ARHGAP20: variants seen among roughly 807,000 people sequenced by gnomAD.
ARHGAP20 encodes the protein rho GTPase-activating protein 20.
In ARHGAP20, 34 loss-of-function variants were observed where a neutral mutation model predicts 73.7. The ratio of observed to expected loss-of-function variants is 0.46; its 90% CI spans 0.35 to 0.61. ARHGAP20 has a LOEUF of 0.61. Among genes scored for constraint, ARHGAP20 ranks in the 20% least tolerant of loss-of-function variants. The pLI is 0.00. For missense variants in ARHGAP20, 1,314 were observed against 1,420.9 expected (o/e 0.92, Z 1.21); for synonymous variants, 523 against 518.2 (o/e 1.01, Z -0.13).
At chr11:110,615,778 G>A (rs564081475) in intron 4 of ARHGAP20, among the ~76,000 whole-genome samples, 184 bp from the exon 5 acceptor site, 10 of 152,278 alleles carry the variant, frequency 6.6e-5, no homozygotes, top group Middle Eastern at 3.4e-3. Flanking sequence ...TATCCCTTTG[G>A]AAAAACTACA....
chr11:110,663,369 T>C (rs968792809), intron 2 of ARHGAP20, among the ~76,000 whole-genome samples: 3 of 149,880 alleles, frequency 2.0e-5, no homozygotes, highest in African/African-American at 7.3e-5. Context: ...ATATACTATA[T>C]AAGACATTAA....
chr11:110,662,378 T>C (rs1427880127), intron 2 of ARHGAP20, among the ~76,000 whole-genome samples: 1 of 151,874 alleles, frequency 6.6e-6, no homozygotes, highest in African/African-American at 2.4e-5. Context: ...AAAATTTGTG[T>C]CCAGTTGGTA....
At chr11:110,680,120 A>G (rs1950010106) in intron 2 of ARHGAP20, among the ~76,000 whole-genome samples, 1 of 152,194 alleles carries the variant, frequency 6.6e-6, no homozygotes, top group Non-Finnish European at 1.5e-5. Flanking sequence ...GAAACATTAT[A>G]TAACAGTTAC....
rs142490183 is a variant in ARHGAP20 at position 110,687,035 on chromosome 11, CATATATATAT to C, written c.188+3502_188+3511del. 1.7e-3 allele frequency among the ~76,000 whole-genome samples: 207 copies of C among 122,014 alleles called. 6 individuals carry two copies. The highest frequency in any genetic ancestry group is 6.8e-3 in the African/African-American group (202 of 29,786). 80.0% of individuals were successfully genotyped at this position (122,014 alleles called of 152,430 possible). On this transcript the variant is annotated intron_variant, in intron 2 of 14. Transcript: ENST00000683387. ...GCAGGAAATTAACTGAAGATTAAAA[CATATATATAT>C]ATATATATATAGACACACACACACA...
intron 1 of ARHGAP20, chr11:110,711,552 G>A (rs912689653): frequency 5.1e-6 from 7 of 1,371,940 alleles, no homozygotes; most frequent in African/African-American, 3.1e-5. Context: ...TGGTGTGGGG[G>A]GCAGTACTCC....
intron 9 of ARHGAP20, 73 bp downstream of exon 9, chr11:110,606,488 C>G: frequency 3.5e-6 from 5 of 1,438,530 alleles, no homozygotes; most frequent in Non-Finnish European, 3.8e-6. Context: ...CCTCATCTGG[C>G]GGGAGGTTTG....
At chr11:110,693,812 C>T (rs752881624) in intron 1 of ARHGAP20, among the ~76,000 whole-genome samples, 17 of 151,788 alleles carry the variant, frequency 1.1e-4, no homozygotes, top group East Asian at 1.9e-4. Flanking sequence ...GACAGGCTTA[C>T]GTTATGCTTA....
chr11:110,684,502 T>C (rs1370006193), intron 2 of ARHGAP20, among the ~76,000 whole-genome samples: 3 of 152,050 alleles, frequency 2.0e-5, no homozygotes, highest in Non-Finnish European at 2.9e-5. Flanking sequence ...CTATGAAAAA[T>C]AGTATGGCAA....
rs1250962544 is a variant in ARHGAP20, at chr11:110,579,285, A to G, written c.*85T>C. On this transcript the variant is annotated 3_prime_UTR_variant, in exon 15 of 15. Transcript: ENST00000683387. ...AATCCTTATGCTACCTCTCCCAGGTATCTTATACAAAGGGGTCATAATAAT... is the reference window on the plus strand; with the variant it reads ...AATCCTTATGCTACCTCTCCCAGGTGTCTTATACAAAGGGGTCATAATAAT... 3 of 1,471,990 alleles carry G rather than the reference A, an allele frequency of 2.0e-6. No homozygotes were observed. The highest frequency in any genetic ancestry group is 3.1e-5 in the South Asian group (2 of 64,274). 91.2% of individuals were successfully genotyped at this position (1,471,990 alleles called of 1,614,324 possible).
chr11:110,661,471 T>C (rs543684666), intron 2 of ARHGAP20, among the ~76,000 whole-genome samples: 4 of 152,192 alleles, frequency 2.6e-5, no homozygotes, highest in Non-Finnish European at 5.9e-5. Context: ...AAATGCCCAG[T>C]TTAAGAAAAA....
chr11:110,648,230 T>TGTAAATATATATATGTAA, intron 2 of ARHGAP20, among the ~76,000 whole-genome samples: 1 of 85,402 alleles, frequency 1.2e-5, no homozygotes, highest in Non-Finnish European at 2.4e-5. Flanking sequence ...TGTATATATA[T>TGTAAATATATATATGTAA]ATATATGTAA....
intron 2 of ARHGAP20, among the ~76,000 whole-genome samples, chr11:110,664,408 T>C (rs1277197590): frequency 1.3e-5 from 2 of 152,142 alleles, no homozygotes; most frequent in Non-Finnish European, 2.9e-5. Flanking sequence ...ATTGTATTTC[T>C]ACATATAGAC....
At chr11:110,648,302 ACATATGTGTATATGTCTATATG>A (rs1191421461) in intron 2 of ARHGAP20, among the ~76,000 whole-genome samples, 8 of 141,024 alleles carry the variant, frequency 5.7e-5, no homozygotes, top group African/African-American at 2.1e-4. Context: ...GTCCTCAAAG[ACATATGTGTATATGTCTATATG>A]CATATGTGTA....
rs548308153 is a variant in ARHGAP20, at chr11:110,621,115, C to T, written c.503+3047G>A. On this transcript the variant is annotated intron_variant, in intron 4 of 14. Coordinates refer to ENST00000683387, the MANE Select transcript of ARHGAP20 (RefSeq NM_001384657.1). Reference sequence around the variant, plus strand: ...AAAAAAAAGCTCCACTGTCTTCTAACCTCCATAGTTTCTAATGAAAGGGCC... The same window carrying T: ...AAAAAAAAGCTCCACTGTCTTCTAATCTCCATAGTTTCTAATGAAAGGGCC... 1.4e-4 allele frequency among the ~76,000 whole-genome samples: 20 copies of T among 141,084 alleles called. No individual in the cohort carries two copies. The South Asian group carries it at 3.5e-3, about 25-fold the overall frequency. 92.6% of individuals were successfully genotyped at this position (141,084 alleles called of 152,430 possible).
chr11:110,586,664 C>G (rs966944447), intron 11 of ARHGAP20, among the ~76,000 whole-genome samples: 1 of 152,086 alleles, frequency 6.6e-6, no homozygotes, highest in Non-Finnish European at 1.5e-5. Context: ...TTCCCCTGTC[C>G]CTTAGACAGC....
At chr11:110,709,412 T>C (rs372104353) in intron 1 of ARHGAP20, among the ~76,000 whole-genome samples, 10 of 152,330 alleles carry the variant, frequency 6.6e-5, no homozygotes, top group African/African-American at 1.2e-4. Flanking sequence ...CCTATTATCA[T>C]AGTTTTCAAT....
chr11:110,638,148 C>T (rs763379764), intron 2 of ARHGAP20, among the ~76,000 whole-genome samples: 3 of 151,934 alleles, frequency 2.0e-5, no homozygotes, highest in African/African-American at 4.8e-5. Context: ...ACCACTATGA[C>T]ACCATAAGTA....
intron 1 of ARHGAP20, among the ~76,000 whole-genome samples, chr11:110,697,990 C>T (rs890242218): frequency 1.3e-5 from 2 of 151,602 alleles, no homozygotes; most frequent in African/African-American, 4.8e-5. Flanking sequence ...AGAGACTGCA[C>T]TGACTCTGTA....
At position 110,577,097 on chromosome 11, in the gene ARHGAP20, C is replaced by A; in HGVS notation, c.*2273G>T. On this transcript the variant is annotated 3_prime_UTR_variant, in exon 15 of 15. Transcript: ENST00000683387. Reference sequence around the variant, plus strand: ...TTTAACAGACAGCATGGACTTCATACATATCCATTATCAGTGCCTTGAAAA... The same window carrying A: ...TTTAACAGACAGCATGGACTTCATAAATATCCATTATCAGTGCCTTGAAAA... 3.9e-6 allele frequency: 6 copies of A among 1,529,942 alleles called. No individual in the cohort carries two copies. The highest frequency in any genetic ancestry group is 4.4e-6 in the Non-Finnish European group (5 of 1,143,138). The allele number at this position is 1,529,942 out of a possible 1,614,324, so 94.8% of individuals were successfully genotyped here.
Sources: allele counts gnomAD v4.1 joint callset (sites outside exome capture counted in the v4.1 genomes callset), GRCh38; gene constraint gnomAD v4.1.1; transcripts MANE v1.5; gene names NCBI Gene and HGNC (gene_info 2026-07-23, HGNC 2026-07-21).